RFT1: variants seen among roughly 807,000 people sequenced by gnomAD.
RFT1 encodes the protein RFT1 glycolipid translocator homolog, also known as man(5)GlcNAc(2)-PP-dolichol translocation protein RFT1.
RFT1 carries 43 observed loss-of-function variants against 62.2 expected under a neutral mutation model. That is an observed-to-expected ratio of 0.69 (90% CI 0.54 to 0.89). RFT1 has a LOEUF of 0.89. Among genes scored for constraint, RFT1 ranks in the 40% least tolerant of loss-of-function variants. The pLI is 0.00. For missense variants in RFT1, 605 were observed against 649.9 expected (o/e 0.93, Z 0.75); for synonymous variants, 262 against 264.6 (o/e 0.99, Z 0.10).
At chr3:53,087,208 G>C (rs1273950432), downstream of RFT1, among the ~76,000 whole-genome samples, 1 of 152,170 alleles carries the variant, frequency 6.6e-6, no homozygotes, top group African/African-American at 2.4e-5. Flanking sequence ...CTGCACTCCA[G>C]CCCGGGCAAC....
intron 6 of RFT1, among the ~76,000 whole-genome samples, chr3:53,117,251 G>A: frequency 6.6e-6 from 1 of 152,234 alleles, no homozygotes. Flanking sequence ...GTCAATGGCA[G>A]TTATTGTAAA....
intron 4 of RFT1, among the ~76,000 whole-genome samples, 159 bp from the exon 5 acceptor site, chr3:53,121,959 G>A (rs529049032): frequency 1.3e-5 from 2 of 152,240 alleles, no homozygotes; most frequent in Non-Finnish European, 2.9e-5. Flanking sequence ...TCTTGGGTAG[G>A]GTGGTGGGTT....
intron 7 of RFT1, among the ~76,000 whole-genome samples, chr3:53,110,857 G>A (rs1701628172): frequency 6.6e-6 from 1 of 152,098 alleles, no homozygotes. Context: ...GCAACTTACA[G>A]CTGTCTTAAA....
At position 53,121,689 on chromosome 3, in the gene RFT1, T is replaced by A. The variant is rs780500145; in HGVS notation, c.558+10A>T. 132 of 1,604,242 alleles carry A rather than the reference T, an allele frequency of 8.2e-5. No individual in the cohort carries two copies. Among genetic ancestry groups the A allele is most frequent in the Non-Finnish European group, 1.0e-4 (119 of 1,171,864 alleles). On this transcript the variant is annotated intron_variant, in intron 5 of 12. Transcript: ENST00000296292. Reference sequence around the variant, plus strand: ...AGATCATATAAAAAGTTAAAAGCCATGATTCTTACCTGGGCCAAAGAGAAA... The same window carrying A: ...AGATCATATAAAAAGTTAAAAGCCAAGATTCTTACCTGGGCCAAAGAGAAA...
chr3:53,119,891 C>T lies in RFT1; in HGVS notation c.689G>A (p.Arg230Lys). ...TAAAAATGTATTACTTACTCCATTT[C>T]TTGTAATATTGGGTAACAGATCTGT... Reference protein sequence around the residue: ...RITDLLPNITRNGAFINWKEA... With the variant: ...RITDLLPNITKNGAFINWKEA... Residue 230 changes from arginine to lysine, a missense_variant, in exon 6 of 13, where the codon AGA becomes AAA. Physicochemically the swap from Arg to Lys is conservative, Grantham distance 26. Coordinates refer to ENST00000296292, the MANE Select transcript of RFT1 (RefSeq NM_052859.4). The T allele has an allele frequency of 6.2e-7, 1 of 1,610,760 alleles. No individual in the cohort carries two copies. Among genetic ancestry groups the T allele is most frequent in the East Asian group, 2.2e-5 (1 of 44,834 alleles).
intron 10 of RFT1, chr3:53,103,119 G>A: frequency 1.0e-6 from 1 of 985,356 alleles, no homozygotes; most frequent in Non-Finnish European, 1.2e-6. Context: ...ATAGAAACCT[G>A]GCCCTTCCTC....
the RFT1 span, among the ~76,000 whole-genome samples, chr3:53,081,444 G>A: frequency 7.5e-3 from 1,137 of 152,252 alleles, 19 homozygotes; most frequent in African/African-American, 0.026. Context: ...AAAGAAGGGT[G>A]GATGTGGGTC....
chr3:53,129,114 G>GA (rs578258292), intron 1 of RFT1, among the ~76,000 whole-genome samples: 21 of 149,438 alleles, frequency 1.4e-4, no homozygotes, highest in East Asian at 7.8e-4. Context: ...TAGTGAAACA[G>GA]AAAAAAAAAA....
chr3:53,100,242 G>A (rs1701273827), intron 10 of RFT1, among the ~76,000 whole-genome samples: 1 of 152,200 alleles, frequency 6.6e-6, no homozygotes, highest in Admixed American at 6.5e-5. Context: ...GAGAACCAGT[G>A]CCCATAATAG....
chr3:53,077,529 G>A, the RFT1 span, among the ~76,000 whole-genome samples: 6 of 152,260 alleles, frequency 3.9e-5, no homozygotes, highest in Non-Finnish European at 7.3e-5. Flanking sequence ...GCAGTTGGCA[G>A]AGCCCCTTCC....
chr3:53,106,659 T>C (rs1260279387), intron 8 of RFT1, among the ~76,000 whole-genome samples, 160 bp downstream of exon 8: 1 of 152,188 alleles, frequency 6.6e-6, no homozygotes, highest in African/African-American at 2.4e-5. Flanking sequence ...CAAAGTCATG[T>C]TGGAGGGCAT....
At chr3:53,108,389 C>CTT (rs60743696) in intron 7 of RFT1, among the ~76,000 whole-genome samples, 2 of 120,470 alleles carry the variant, frequency 1.7e-5, no homozygotes, top group Admixed American at 8.7e-5. Context: ...GCTTTCATAT[C>CTT]TTTTTTTTTT....
chr3:53,120,010 G>A lies in RFT1; in HGVS notation c.570C>T (p.Thr190=). ...TAACATAGCAGAGCACCAGAACTGTGGTATAGAAAAGCTGAGAAAAAAAAT... is the reference window on the plus strand; with the variant it reads ...TAACATAGCAGAGCACCAGAACTGTAGTATAGAAAAGCTGAGAAAAAAAAT... ...YIFSLAQLFY[T]TVLVLCYVIY... is the part of the protein sequence containing the mutation. Residue 190 remains threonine (T), a synonymous_variant, in exon 6 of 13, where the codon ACC becomes ACT. Transcript: ENST00000296292. 1 of 1,592,390 alleles carries A rather than the reference G, an allele frequency of 6.3e-7. No homozygotes were observed. The highest frequency in any genetic ancestry group is 8.5e-7 in the Non-Finnish European group (1 of 1,172,600).
chr3:53,117,401 A>G (rs1415695574), intron 6 of RFT1, among the ~76,000 whole-genome samples: 4 of 152,184 alleles, frequency 2.6e-5, no homozygotes, highest in Admixed American at 1.3e-4. Flanking sequence ...CTTCAGATCT[A>G]TATCAGGTGC....
At chr3:53,068,460 A>C in the RFT1 span, among the ~76,000 whole-genome samples, 6 of 152,236 alleles carry the variant, frequency 3.9e-5, no homozygotes, top group Non-Finnish European at 8.8e-5. Flanking sequence ...TGACCTGTCC[A>C]TGGGTGGGTT....
chr3:53,096,056 C>A (rs1283354849), intron 11 of RFT1, among the ~76,000 whole-genome samples: 1 of 152,166 alleles, frequency 6.6e-6, no homozygotes, highest in Non-Finnish European at 1.5e-5. Flanking sequence ...GGCGCTGTGC[C>A]ATAGGGGCCT....
the RFT1 span, among the ~76,000 whole-genome samples, chr3:53,083,263 G>A: frequency 1.4e-5 from 2 of 144,694 alleles, no homozygotes; most frequent in Admixed American, 7.0e-5. Context: ...TGTAATCCCA[G>A]CACTTTGGGA....
chr3:53,083,646 C>T (rs772347445), downstream of RFT1, among the ~76,000 whole-genome samples: 5 of 152,200 alleles, frequency 3.3e-5, no homozygotes, highest in South Asian at 2.1e-4. Flanking sequence ...TGCAGATCTG[C>T]GGCAGGCAGA....
chr3:53,071,784 A>C, the RFT1 span, among the ~76,000 whole-genome samples: 3 of 152,300 alleles, frequency 2.0e-5, no homozygotes, highest in East Asian at 5.8e-4. Flanking sequence ...GGGGCTGCCC[A>C]GGCTGAGAAC....
Sources: gnomAD v4.1 joint callset for allele counts (sites outside exome capture counted in the v4.1 genomes callset) on GRCh38, gnomAD v4.1.1 for gene constraint, MANE v1.5 for transcripts, NCBI Gene and HGNC (gene_info 2026-07-23, HGNC 2026-07-21) for gene names.